Variants in DHX8 observed in about 807,000 individuals in gnomAD.
The protein encoded by DHX8 is DEAH-box helicase 8.
Under a neutral mutation model 140.7 loss-of-function variants are expected in DHX8, and 67 were observed. That is an observed-to-expected ratio of 0.48 (90% confidence interval 0.39 to 0.58). DHX8 has a LOEUF of 0.58. DHX8 is among the 20% of genes least tolerant of loss of function. The pLI, the probability that DHX8 is intolerant of heterozygous loss-of-function variation, is 0.00. For missense variants in DHX8, 887 were observed against 1,550.7 expected (o/e 0.57, Z 7.19); for synonymous variants, 533 against 553.2 (o/e 0.96, Z 0.51).
downstream of DHX8, chr17:43,525,833 C>T: frequency 1.0e-6 from 1 of 985,310 alleles, no homozygotes; most frequent in South Asian, 4.7e-5. Flanking sequence ...AGTGGCCCAG[C>T]CTGTCCTGAC....
In DHX8 at chr17:43,524,335, CTG is replaced by C; in HGVS notation, c.*490_*491del. 1 of 1,003,608 alleles carries C rather than the reference CTG, an allele frequency of 1.0e-6. No homozygotes were observed. The highest frequency in any genetic ancestry group is 1.2e-6 in the Non-Finnish European group (1 of 840,900). 62.2% of individuals were successfully genotyped at this position (1,003,608 alleles called of 1,614,324 possible). The stretch of plus-strand genomic sequence containing the variant: ...AGGAAACAAAAATGGTTTTCTGTGA[CTG>C]TTTTCTTTTAGCCGAAAGGTTAGGA... On this transcript the variant is annotated 3_prime_UTR_variant, in exon 23 of 23. Transcript: ENST00000262415.
downstream of DHX8, chr17:43,525,787 C>A: frequency 1.0e-6 from 1 of 985,700 alleles, no homozygotes; most frequent in Non-Finnish European, 1.2e-6. Context: ...CTAATTCCAG[C>A]CTAAATTTTC....
At chr17:43,520,683 T>C in intron 19 of DHX8, 68 bp from the exon 20 acceptor site, 1 of 1,603,976 alleles carries the variant, frequency 6.2e-7, no homozygotes, top group African/African-American at 1.3e-5. Flanking sequence ...CTGACCAAGG[T>C]CTTGCTCTGG....
chr17:43,531,139 GGTT>G (rs1970912868), downstream of DHX8, among the ~76,000 whole-genome samples: 1 of 152,204 alleles, frequency 6.6e-6, no homozygotes, highest in Non-Finnish European at 1.5e-5. Flanking sequence ...CAGCCTGGGG[GGTT>G]GTGGTTCATC....
intron 16 of DHX8, among the ~76,000 whole-genome samples, chr17:43,511,696 G>A (rs1296980350): frequency 6.6e-6 from 1 of 150,782 alleles, no homozygotes. Context: ...GATCTCAGAT[G>A]ATCCATCCGC....
chr17:43,516,514 G>A (rs1970120709), intron 17 of DHX8, among the ~76,000 whole-genome samples: 1 of 151,946 alleles, frequency 6.6e-6, no homozygotes, highest in Non-Finnish European at 1.5e-5. Context: ...GTGTGATTAC[G>A]GCTTACTGCA....
intron 15 of DHX8, 53 bp downstream of exon 15, chr17:43,508,072 G>T: frequency 6.4e-7 from 1 of 1,553,412 alleles, no homozygotes; most frequent in Admixed American, 1.8e-5. Flanking sequence ...TCCCTCTTAG[G>T]CCAAAAGTCC....
At chr17:43,543,955 T>C (rs1213043754) in intron 3 of DHX8, 1 of 152,056 alleles carries the variant, frequency 6.6e-6, no homozygotes, top group Non-Finnish European at 1.5e-5. Flanking sequence ...TCCAGGGTAG[T>C]TGGATTTGAG....
intron 9 of DHX8, among the ~76,000 whole-genome samples, chr17:43,496,815 T>G (rs551675101): frequency 6.6e-6 from 1 of 152,172 alleles, no homozygotes; most frequent in East Asian, 1.9e-4. Flanking sequence ...AAGTTATAAT[T>G]GTATTTTTGG....
rs530648525 is a variant in DHX8, at chr17:43,505,197, C to T, written c.1728+372C>T. On this transcript the variant is annotated intron_variant, in intron 12 of 22. Coordinates refer to ENST00000262415, the MANE Select transcript of DHX8 (RefSeq NM_004941.3). The stretch of plus-strand genomic sequence containing the variant: ...GGCAAAGGTGGGCGGATCACAAGTT[C>T]AGGAGTTCGAGACCATCCTGGCCAA... 2.0e-5 allele frequency among the ~76,000 whole-genome samples: 3 copies of T among 152,238 alleles called. No individual in the cohort carries two copies. In the South Asian group the frequency reaches 6.2e-4, roughly 32 times the overall value.
At chr17:43,538,692 T>C (rs2154587205) in intron 3 of DHX8, among the ~76,000 whole-genome samples, 1 of 152,214 alleles carries the variant, frequency 6.6e-6, no homozygotes, top group South Asian at 2.1e-4. Flanking sequence ...CTCTCAAAAA[T>C]AAATGGATCA....
intron 20 of DHX8, 85 bp from the exon 21 acceptor site, chr17:43,521,284 G>A (rs1970364138): frequency 3.5e-6 from 4 of 1,145,114 alleles, no homozygotes; most frequent in Non-Finnish European, 4.9e-6. Flanking sequence ...CTTTTGATAG[G>A]GTCTTGTAGG....
chr17:43,533,359 G>A, intron 2 of DHX8: 2 of 1,609,780 alleles, frequency 1.2e-6, no homozygotes, highest in Non-Finnish European at 1.7e-6. Context: ...CTGGAGTTGA[G>A]AAGGAGACAG....
rs946006296 is a variant in DHX8, at chr17:43,523,544, C to T, written c.3444-84C>T. The T allele has an allele frequency of 2.5e-6, 4 of 1,568,700 alleles. No individual in the cohort carries two copies. The Admixed American group carries it at 5.5e-5, about 22-fold the overall frequency. On this transcript the variant is annotated intron_variant, in intron 22 of 22. Transcript: ENST00000262415. ...GAGGTAATAGTATAAAATGTAAGCTCAGCTGAGGCCTACTAGGGACCAGGT... is the reference window on the plus strand; with the variant it reads ...GAGGTAATAGTATAAAATGTAAGCTTAGCTGAGGCCTACTAGGGACCAGGT...
chr17:43,543,627 A>G (rs888056661), intron 3 of DHX8, among the ~76,000 whole-genome samples: 16 of 152,148 alleles, frequency 1.1e-4, no homozygotes, highest in Non-Finnish European at 2.1e-4. Context: ...CTTCAGCTCT[A>G]GCCCAGCTCC....
chr17:43,509,726 C>T (rs1347880450), intron 16 of DHX8, among the ~76,000 whole-genome samples: 12 of 151,604 alleles, frequency 7.9e-5, no homozygotes, highest in South Asian at 2.1e-4. Flanking sequence ...TGGAGTGCAA[C>T]GGCACAATCT....
chr17:43,492,443 G>A (rs1968579600), intron 5 of DHX8, 151 bp downstream of exon 5: 1 of 663,792 alleles, frequency 1.5e-6, no homozygotes, highest in Non-Finnish European at 2.6e-6. Flanking sequence ...TTCCTGCTAA[G>A]TGTATGTAGC....
intron 16 of DHX8, among the ~76,000 whole-genome samples, chr17:43,512,192 G>C (rs1336368940): frequency 6.6e-6 from 1 of 151,888 alleles, no homozygotes; most frequent in Non-Finnish European, 1.5e-5. Flanking sequence ...TTCGAGACCA[G>C]CCTGGCCAAC....
chr17:43,516,205 A>C (rs1224548407), intron 17 of DHX8, among the ~76,000 whole-genome samples: 2 of 152,144 alleles, frequency 1.3e-5, no homozygotes, highest in African/African-American at 4.8e-5. Flanking sequence ...TTAGAATAAT[A>C]CATGTTCAAT....
Sources: gnomAD v4.1 joint callset for allele counts (sites outside exome capture counted in the v4.1 genomes callset) on GRCh38, gnomAD v4.1.1 for gene constraint, MANE v1.5 for transcripts, NCBI Gene and HGNC (gene_info 2026-07-23, HGNC 2026-07-21) for gene names.